AAMDC: variants seen among roughly 807,000 people sequenced by gnomAD.
AAMDC encodes the protein adipogenesis associated Mth938 domain containing.
Under a neutral mutation model 15.5 loss-of-function variants are expected in AAMDC, and 16 were observed. That is an observed-to-expected ratio of 1.03 (90% CI 0.70 to 1.57). The LOEUF is 1.57. Among genes scored for constraint, AAMDC ranks in the 40% most tolerant of loss-of-function variants. AAMDC has a pLI of 0.00. For synonymous variants in AAMDC, 51 were observed against 51.6 expected, an observed-to-expected ratio of 0.99 and a Z score of 0.05; for missense variants, 141 against 144.9, an observed-to-expected ratio of 0.97 and a Z score of 0.14.
In AAMDC at chr11:77,863,269, A is replaced by G. The variant is rs557939321; in HGVS notation, c.133-6453A>G. ...TTATTTAGCCCAATCGGGAGCGGCAATGGGCGCTCAGGAGCACAGCAGACA... is the reference window on the plus strand; with the variant it reads ...TTATTTAGCCCAATCGGGAGCGGCAGTGGGCGCTCAGGAGCACAGCAGACA... On this transcript the variant is annotated intron_variant, in intron 2 of 3. Transcript: ENST00000393427. Among the ~76,000 whole-genome samples, 225 of 152,256 alleles carry G rather than the reference A, an allele frequency of 1.5e-3. 1 individual carries two copies. The highest frequency in any genetic ancestry group is 5.2e-3 in the African/African-American group (214 of 41,550).
chr11:77,879,203 A>G, intron 5 of AAMDC: 12 of 1,518,758 alleles, frequency 7.9e-6, no homozygotes, highest in Non-Finnish European at 1.1e-5. Flanking sequence ...AGTTAAAGAA[A>G]TATCAAAATG....
chr11:77,848,176 G>T (rs189517697), intron 2 of AAMDC, among the ~76,000 whole-genome samples: 3 of 152,270 alleles, frequency 2.0e-5, no homozygotes, highest in Admixed American at 6.5e-5. Context: ...AACCATCAAA[G>T]ATACTTATGT....
chr11:77,841,715 T>G (rs758504550), intron 1 of AAMDC, among the ~76,000 whole-genome samples: 1 of 152,186 alleles, frequency 6.6e-6, no homozygotes, highest in African/African-American at 2.4e-5. Context: ...ACTTGGGATA[T>G]GTAGAGAGCT....
At position 77,872,234 on chromosome 11, in the gene AAMDC, G is replaced by A. The variant is rs373537906; in HGVS notation, c.288G>A (p.Gln96=). The part of the protein sequence containing the change: ...KKHGIDVRVL[Q]TEQAVKEYNA... ...ATGGCATTGATGTGCGGGTCCTCCAGACAGAGCAGGCAGTGAAGGAGTATA... is the reference window on the plus strand; with the variant it reads ...ATGGCATTGATGTGCGGGTCCTCCAAACAGAGCAGGCAGTGAAGGAGTATA... The change falls in exon 4 of 4, where the codon CAG becomes CAA. Residue 96 remains glutamine, a synonymous_variant. Coordinates refer to ENST00000393427, the MANE Select transcript of AAMDC (RefSeq NM_024684.4). 1.2e-5 allele frequency: 19 copies of A among 1,613,822 alleles called. No individual in the cohort carries two copies. Among genetic ancestry groups the A allele is most frequent in the African/African-American group, 2.7e-5 (2 of 74,910 alleles).
downstream of AAMDC, among the ~76,000 whole-genome samples, chr11:77,901,763 T>G (rs1472609429): frequency 6.6e-6 from 1 of 151,890 alleles, no homozygotes; most frequent in Non-Finnish European, 1.5e-5. Context: ...GACCTGGTAA[T>G]AAAATCATCT....
chr11:77,883,949 A>C (rs1231247920), intron 5 of AAMDC: 5 of 1,612,848 alleles, frequency 3.1e-6, no homozygotes, highest in Non-Finnish European at 4.2e-6. Flanking sequence ...TCTGGATATA[A>C]GACCTAAAGG....
intron 2 of AAMDC, among the ~76,000 whole-genome samples, chr11:77,854,140 G>GCCA (rs1445144778): frequency 2.0e-5 from 3 of 151,560 alleles, no homozygotes; most frequent in Non-Finnish European, 2.9e-5. Flanking sequence ...ACAGGCGCCC[G>GCCA]CCACCACACC....
chr11:77,879,943 C>T (rs1459116104), intron 5 of AAMDC, among the ~76,000 whole-genome samples: 1 of 152,144 alleles, frequency 6.6e-6, no homozygotes, highest in African/African-American at 2.4e-5. Flanking sequence ...TGGCAAAAAT[C>T]CCAAGAATCA....
intron 2 of AAMDC, among the ~76,000 whole-genome samples, chr11:77,850,079 T>C (rs1950310629): frequency 6.6e-6 from 1 of 152,230 alleles, no homozygotes; most frequent in Admixed American, 6.5e-5. Flanking sequence ...GAATTGAAAT[T>C]TTCATTATAA....
intron 1 of AAMDC, chr11:77,841,089 T>C (rs1949912438): frequency 1.5e-6 from 1 of 668,094 alleles, no homozygotes; most frequent in Admixed American, 2.1e-5. Flanking sequence ...CATCATCCTA[T>C]AGTGGAAGTC....
chr11:77,844,971 C>A (rs1403521601), intron 2 of AAMDC, among the ~76,000 whole-genome samples: 1 of 152,166 alleles, frequency 6.6e-6, no homozygotes, highest in Non-Finnish European at 1.5e-5. Context: ...AATGATAAAT[C>A]AACCATTAGC....
intron 2 of AAMDC, among the ~76,000 whole-genome samples, chr11:77,859,699 G>A (rs748151540): frequency 3.9e-5 from 6 of 152,192 alleles, no homozygotes; most frequent in Non-Finnish European, 8.8e-5. Flanking sequence ...AGTTGAGGTT[G>A]GGATCAGTCA....
intron 2 of AAMDC, among the ~76,000 whole-genome samples, chr11:77,867,809 T>C (rs569268503): frequency 4.9e-4 from 74 of 152,310 alleles, no homozygotes; most frequent in Non-Finnish European, 4.9e-4. Flanking sequence ...TAAATGTGCC[T>C]AGAAGACTGG....
At chr11:77,886,113 G>A (rs1951994637) in intron 5 of AAMDC, among the ~76,000 whole-genome samples, 1 of 152,072 alleles carries the variant, frequency 6.6e-6, no homozygotes, top group Non-Finnish European at 1.5e-5. Context: ...GGCTGAGGCA[G>A]GAGGATCCCT....
intron 1 of AAMDC, among the ~76,000 whole-genome samples, chr11:77,834,796 G>T (rs545165877): frequency 2.6e-5 from 4 of 152,260 alleles, no homozygotes; most frequent in African/African-American, 4.8e-5. Flanking sequence ...CTAGTATCAA[G>T]ATAAGGAGGT....
intron 1 of AAMDC, among the ~76,000 whole-genome samples, chr11:77,827,414 C>T (rs1201681130): frequency 6.6e-6 from 1 of 152,108 alleles, no homozygotes; most frequent in East Asian, 1.9e-4. Context: ...CCAGTTCCAA[C>T]CACATATAAA....
At chr11:77,849,645 GTTTTT>G (rs568550138) in intron 2 of AAMDC, among the ~76,000 whole-genome samples, 1 of 150,818 alleles carries the variant, frequency 6.6e-6, no homozygotes, top group Non-Finnish European at 1.5e-5. Context: ...TTTTTTGTGT[GTTTTT>G]TTTTAATTAT....
intron 1 of AAMDC, among the ~76,000 whole-genome samples, chr11:77,822,592 G>A (rs1429667988): frequency 1.3e-5 from 2 of 151,928 alleles, no homozygotes; most frequent in East Asian, 3.9e-4. Flanking sequence ...TTAAAAAGGG[G>A]AAAAACCATA....
intron 1 of AAMDC, chr11:77,841,269 T>C (rs974565715): frequency 1.4e-6 from 1 of 702,180 alleles, no homozygotes. Context: ...AATTTAAACA[T>C]GAGTTTGGAA....
Sources: allele counts gnomAD v4.1 joint callset (sites outside exome capture counted in the v4.1 genomes callset), GRCh38; gene constraint gnomAD v4.1.1; transcripts MANE v1.5; gene names NCBI Gene and HGNC (gene_info 2026-07-23, HGNC 2026-07-21).